GRID2: variants seen among roughly 807,000 people sequenced by gnomAD.
GRID2 encodes the protein glutamate receptor ionotropic, delta-2.
GRID2 carries 33 observed loss-of-function variants against 114.8 expected under a neutral mutation model. The observed-to-expected ratio is 0.29, with a 90% CI of 0.22 to 0.38. GRID2 has a LOEUF of 0.38. Among genes scored for constraint, GRID2 ranks in the 10% least tolerant of loss-of-function variants. The pLI, the probability that GRID2 is intolerant of heterozygous loss-of-function variation, is 1.00. For missense variants in GRID2, 1,184 were observed against 1,257.7 expected (o/e 0.94, Z 0.89); for synonymous variants, 505 against 449.9 (o/e 1.12, Z -1.55).
At chr4:92,758,052 GAGA>G (rs1174248223) in intron 2 of GRID2, among the ~76,000 whole-genome samples, 1 of 152,048 alleles carries the variant, frequency 6.6e-6, no homozygotes, top group African/African-American at 2.4e-5. Context: ...AAAGGAAGCA[GAGA>G]AGAAGTGCAT....
At chr4:92,949,165 T>TGTCTGTGTGTGTGTGTGAGA (rs879530293) in intron 2 of GRID2, among the ~76,000 whole-genome samples, 2 of 150,448 alleles carry the variant, frequency 1.3e-5, no homozygotes, top group African/African-American at 2.4e-5. Flanking sequence ...TGTGTGTGTG[T>TGTCTGTGTGTGTGTGTGAGA]GAGAGAGAGA....
chr4:92,595,274 G>T (rs2149215050), intron 2 of GRID2, among the ~76,000 whole-genome samples: 1 of 151,732 alleles, frequency 6.6e-6, no homozygotes, highest in East Asian at 1.9e-4. Context: ...AAAACACAAG[G>T]TTTTTGAAAA....
intron 8 of GRID2, among the ~76,000 whole-genome samples, chr4:93,380,682 A>G (rs892818049): frequency 6.6e-6 from 1 of 152,084 alleles, no homozygotes; most frequent in Non-Finnish European, 1.5e-5. Flanking sequence ...CTTCTTACTA[A>G]TAGAAGCCTT....
intron 2 of GRID2, among the ~76,000 whole-genome samples, chr4:92,718,485 G>C (rs1560551169): frequency 6.6e-6 from 1 of 151,870 alleles, no homozygotes; most frequent in Non-Finnish European, 1.5e-5. Flanking sequence ...AAAAATTTCA[G>C]GCCAGGAATG....
At chr4:92,715,453 T>C (rs1276141650) in intron 2 of GRID2, among the ~76,000 whole-genome samples, 2 of 152,162 alleles carry the variant, frequency 1.3e-5, no homozygotes, top group Admixed American at 1.3e-4. Flanking sequence ...TCAGGTGTCT[T>C]TTCAGCAGCA....
chr4:93,417,616 A>G (rs998185557), intron 9 of GRID2, among the ~76,000 whole-genome samples: 7 of 151,854 alleles, frequency 4.6e-5, no homozygotes, highest in African/African-American at 1.7e-4. Context: ...CACTTCCTCT[A>G]TTTTCTTTAG....
At chr4:93,113,694 G>A (rs975174040) in intron 4 of GRID2, among the ~76,000 whole-genome samples, 1 of 152,142 alleles carries the variant, frequency 6.6e-6, no homozygotes, top group Non-Finnish European at 1.5e-5. Context: ...ATACATCTAC[G>A]CTGATCTCCA....
At chr4:93,037,994 G>T (rs1725082203) in intron 2 of GRID2, among the ~76,000 whole-genome samples, 1 of 152,158 alleles carries the variant, frequency 6.6e-6, no homozygotes, top group Admixed American at 6.5e-5. Flanking sequence ...ATTCTGTGAA[G>T]AAAGTCAATG....
intron 8 of GRID2, among the ~76,000 whole-genome samples, chr4:93,297,128 CT>C (rs1168298434): frequency 9.2e-5 from 14 of 152,220 alleles, no homozygotes; most frequent in African/African-American, 3.4e-4. Flanking sequence ...AAAAGTCTTA[CT>C]TTTTTGTCCT....
intron 2 of GRID2, among the ~76,000 whole-genome samples, chr4:92,656,470 A>AT (rs1732240849): frequency 1.4e-5 from 2 of 144,972 alleles, no homozygotes; most frequent in South Asian, 2.3e-4. Flanking sequence ...TGAAAGAAAA[A>AT]TTAAAAAAAA....
intron 8 of GRID2, among the ~76,000 whole-genome samples, chr4:93,253,326 C>A (rs1749197013): frequency 6.6e-6 from 1 of 152,020 alleles, no homozygotes; most frequent in Admixed American, 6.6e-5. Context: ...TGAAATGTGT[C>A]TTCAAATTAT....
At chr4:93,127,007 A>G (rs1484927006) in intron 4 of GRID2, among the ~76,000 whole-genome samples, 3 of 152,110 alleles carry the variant, frequency 2.0e-5, no homozygotes, top group Non-Finnish European at 4.4e-5. Flanking sequence ...AGGTTCTTTC[A>G]GTTGTGTGAC....
intron 2 of GRID2, among the ~76,000 whole-genome samples, chr4:92,614,118 C>T (rs991747088): frequency 1.8e-4 from 27 of 151,438 alleles, no homozygotes; most frequent in Middle Eastern, 3.2e-3. Flanking sequence ...TGCTATAGAA[C>T]ACTGGAACTT....
intron 2 of GRID2, among the ~76,000 whole-genome samples, chr4:92,950,641 A>G (rs1423507228): frequency 2.0e-5 from 3 of 152,176 alleles, no homozygotes; most frequent in East Asian, 1.9e-4. Context: ...AGTGGTACCA[A>G]CGAAGCATGG....
At chr4:92,770,010 A>G (rs914344672) in intron 2 of GRID2, among the ~76,000 whole-genome samples, 1 of 152,170 alleles carries the variant, frequency 6.6e-6, no homozygotes, top group Non-Finnish European at 1.5e-5. Context: ...TTTCTATTGC[A>G]TTGTTAGGCT....
At chr4:93,704,192 T>G (rs1014786461) in intron 14 of GRID2, among the ~76,000 whole-genome samples, 3 of 152,062 alleles carry the variant, frequency 2.0e-5, no homozygotes, top group Non-Finnish European at 4.4e-5. Context: ...GCCATTCTAA[T>G]TGGTGTGAGA....
At chr4:92,590,103 T>A (rs770621044) in intron 1 of GRID2, 28 bp from the exon 2 acceptor site, 1 of 1,532,884 alleles carries the variant, frequency 6.5e-7, no homozygotes, top group Non-Finnish European at 9.0e-7. Flanking sequence ...TATGTTATTA[T>A]TTAATGGCAA....
intron 4 of GRID2, among the ~76,000 whole-genome samples, chr4:93,146,189 C>T (rs772666774): frequency 4.0e-4 from 61 of 152,088 alleles, no homozygotes; most frequent in Non-Finnish European, 6.0e-4. Flanking sequence ...AAAACCCAAC[C>T]GCATATTTAT....
intron 1 of GRID2, among the ~76,000 whole-genome samples, chr4:92,486,851 T>C (rs997638391): frequency 3.9e-5 from 6 of 152,006 alleles, no homozygotes; most frequent in Admixed American, 1.3e-4. Context: ...AAAAAATTTT[T>C]AATATTAGGT....
Sources: gnomAD v4.1 joint callset for allele counts (sites outside exome capture counted in the v4.1 genomes callset) on GRCh38, gnomAD v4.1.1 for gene constraint, MANE v1.5 for transcripts, NCBI Gene and HGNC (gene_info 2026-07-23, HGNC 2026-07-21) for gene names.